BPTF: variants seen among roughly 807,000 people sequenced by gnomAD.
BPTF encodes the protein bromodomain PHD finger transcription factor, also known as nucleosome-remodeling factor subunit BPTF.
BPTF carries 18 observed loss-of-function variants against 292.5 expected under a neutral mutation model. The ratio of observed to expected loss-of-function variants is 0.06; its 90% CI spans 0.04 to 0.09. BPTF has a LOEUF of 0.09. Ranked by LOEUF, BPTF falls within the 10% of genes least tolerant of loss-of-function variation. BPTF has a pLI of 1.00. For synonymous variants in BPTF, 1,225 were observed against 1,251.9 expected (o/e 0.98, Z 0.45); for missense variants, 2,726 against 3,498.7 (o/e 0.78, Z 5.57).
At chr17:67,864,545 A>T (rs887886050) in intron 2 of BPTF, among the ~76,000 whole-genome samples, 21 of 146,322 alleles carry the variant, frequency 1.4e-4, no homozygotes, top group African/African-American at 5.1e-4. Flanking sequence ...AAAAAAAAAA[A>T]GGAAAAGAAA....
chr17:67,896,164 G>C (rs59640213), intron 7 of BPTF, among the ~76,000 whole-genome samples: 1 of 151,880 alleles, frequency 6.6e-6, no homozygotes, highest in Non-Finnish European at 1.5e-5. Flanking sequence ...GGGTTTCACC[G>C]TGTTAGCCAG....
At chr17:67,885,608 G>A (rs549666354) in intron 4 of BPTF, among the ~76,000 whole-genome samples, 5 of 152,156 alleles carry the variant, frequency 3.3e-5, no homozygotes, top group South Asian at 2.1e-4. Context: ...GTTAACAATC[G>A]CATTTAGGCA....
chr17:67,866,140 T>G (rs2059379615), intron 2 of BPTF, among the ~76,000 whole-genome samples: 1 of 152,096 alleles, frequency 6.6e-6, no homozygotes, highest in Admixed American at 6.5e-5. Context: ...TTTATTTTAT[T>G]CTAAAATAAT....
intron 1 of BPTF, among the ~76,000 whole-genome samples, chr17:67,836,483 CTCTTG>C (rs1465003329): frequency 6.6e-6 from 1 of 152,166 alleles, no homozygotes; most frequent in Non-Finnish European, 1.5e-5. Flanking sequence ...TGTGGAATTT[CTCTTG>C]TCCTGTTCTA....
At chr17:67,931,838 C>A in intron 17 of BPTF, 73 bp from the exon 18 acceptor site, 1 of 1,078,414 alleles carries the variant, frequency 9.3e-7, no homozygotes, top group Non-Finnish European at 1.3e-6. Flanking sequence ...GTTTAAAGAT[C>A]TTGTGTTCTA....
At chr17:67,964,954 G>C (rs1470405553) in intron 25 of BPTF, 1 of 133,490 alleles carries the variant, frequency 7.5e-6, no homozygotes, top group Non-Finnish European at 1.5e-5. Flanking sequence ...AGCCGAGATG[G>C]CGCCACTGCA....
At position 67,893,431 on chromosome 17, in the gene BPTF, T is replaced by C; in HGVS notation, c.2117T>C (p.Met706Thr). The C allele has an allele frequency of 3.7e-6, 6 of 1,614,144 alleles. No homozygotes were observed. The highest frequency in any genetic ancestry group is 5.1e-6 in the Non-Finnish European group (6 of 1,180,016). The part of the protein sequence containing the change: ...SRLSTKKEVI[M>T]KGNINNYFKL... Reference sequence around the variant, plus strand: ...TTGAGCACCAAAAAGGAAGTGATCATGAAAGGAAATATCAACAATTATTTT... The same window carrying C: ...TTGAGCACCAAAAAGGAAGTGATCACGAAAGGAAATATCAACAATTATTTT... The change falls in exon 6 of 28, where the codon ATG becomes ACG. Residue 706 changes from methionine (M) to threonine (T), a missense_variant. This residue lies in a region of BPTF where 63 missense variants were observed against 84.1 expected (regional missense o/e 0.75). Transcript: ENST00000306378.
At chr17:67,874,686 G>T in intron 3 of BPTF, 131 bp from the exon 4 acceptor site, 1 of 619,356 alleles carries the variant, frequency 1.6e-6, no homozygotes, top group South Asian at 2.3e-5. Context: ...TATTTCATAG[G>T]TCTAATGCTT....
At chr17:67,982,105 A>T (rs1568246409) in intron 27 of BPTF, 147 bp from the exon 28 acceptor site, 1 of 743,026 alleles carries the variant, frequency 1.3e-6, no homozygotes. Context: ...AAATTTTCTT[A>T]ATCGTTCTTT....
At chr17:67,860,088 A>G (rs1297344717) in intron 2 of BPTF, among the ~76,000 whole-genome samples, 1 of 152,176 alleles carries the variant, frequency 6.6e-6, no homozygotes, top group Non-Finnish European at 1.5e-5. Flanking sequence ...GCCTTTTTTG[A>G]TGCATAATAA....
Position 67,866,587 on chromosome 17 carries a change from A to G in BPTF, c.1560A>G (p.Leu520=), listed in dbSNP as rs2059401690. 2.5e-6 allele frequency: 4 copies of G among 1,614,064 alleles called. No homozygotes were observed. Among genetic ancestry groups the G allele is most frequent in the Non-Finnish European group, 3.4e-6 (4 of 1,179,920 alleles). The change falls in exon 3 of 28, where the codon CTA becomes CTG. Residue 520 remains leucine (L), a synonymous_variant. Transcript: ENST00000306378. Reference sequence around the variant, plus strand: ...GGGAAGCAGAACTCTGCAAAATTCTAGAAGAAATGCGTGAAGAAATCCACC... The same window carrying G: ...GGGAAGCAGAACTCTGCAAAATTCTGGAAGAAATGCGTGAAGAAATCCACC... ...DYWEAELCKI[L]EEMREEIHRH...
At chr17:67,897,730 T>C (rs2061548034) in intron 7 of BPTF, among the ~76,000 whole-genome samples, 1 of 152,230 alleles carries the variant, frequency 6.6e-6, no homozygotes, top group African/African-American at 2.4e-5. Flanking sequence ...CAGGACCAGA[T>C]GATTTCATAA....
At chr17:67,831,555 G>A (rs1172601660) in intron 1 of BPTF, among the ~76,000 whole-genome samples, 2 of 152,114 alleles carry the variant, frequency 1.3e-5, no homozygotes, top group Non-Finnish European at 2.9e-5. Flanking sequence ...ACAGGACTGG[G>A]GATGTTAAGA....
At chr17:67,851,693 C>G (rs2058418080) in intron 1 of BPTF, among the ~76,000 whole-genome samples, 1 of 151,868 alleles carries the variant, frequency 6.6e-6, no homozygotes, top group Non-Finnish European at 1.5e-5. Flanking sequence ...GCAGGCTGTT[C>G]AGTTATAAGC....
At chr17:67,860,053 A>T (rs2058981389) in intron 2 of BPTF, among the ~76,000 whole-genome samples, 1 of 152,230 alleles carries the variant, frequency 6.6e-6, no homozygotes, top group South Asian at 2.1e-4. Context: ...TATTTGCTTT[A>T]AAAGCTATGG....
rs1247388177 is a variant in BPTF, at chr17:67,927,085, AG to A, written c.5752-1268del. ...CTAAAAAAATTGGACGTGATGTCAT[AG>A]GTGAGCAGGAGGCTCACCTATGTCA... On this transcript the variant is annotated intron_variant, in intron 15 of 27. Coordinates refer to ENST00000306378, the MANE Select transcript of BPTF (RefSeq NM_182641.4). Among the ~76,000 whole-genome samples, 6 of 152,342 alleles carry A rather than the reference AG, an allele frequency of 3.9e-5. No individual in the cohort carries two copies. In the East Asian group the frequency reaches 7.7e-4, roughly 20 times the overall value.
chr17:67,933,502 G>A (rs889804064), intron 18 of BPTF, among the ~76,000 whole-genome samples: 1 of 151,982 alleles, frequency 6.6e-6, no homozygotes, highest in Non-Finnish European at 1.5e-5. Flanking sequence ...CCAGACATTG[G>A]AGGCTGCAGT....
chr17:67,960,626 G>A (rs1555683547), intron 24 of BPTF, among the ~76,000 whole-genome samples: 1 of 152,176 alleles, frequency 6.6e-6, no homozygotes, highest in Non-Finnish European at 1.5e-5. Context: ...ACATTAAAAT[G>A]TAGTCCAGCT....
In BPTF at chr17:67,959,833, C is replaced by A; in HGVS notation, c.8219C>A (p.Thr2740Lys). 1 of 1,612,808 alleles carries A rather than the reference C, an allele frequency of 6.2e-7. No individual in the cohort carries two copies. Among genetic ancestry groups the A allele is most frequent in the Non-Finnish European group, 8.5e-7 (1 of 1,179,476 alleles). ...STTSKETKKD[T>K]KLYCICKTPY... ...ACCTCAAAGGAAACTAAGAAGGACA[C>A]AAAGCTTTACTGTATCTGTAAAACG... Residue 2740 changes from threonine (T) to lysine (K), a missense_variant, in exon 24 of 28, where the codon ACA (threonine) becomes AAA (lysine). This residue lies in a region of BPTF where 148 missense variants were observed against 145.5 expected (regional missense o/e 1.02). Coordinates refer to ENST00000306378, the MANE Select transcript of BPTF (RefSeq NM_182641.4).
Sources: allele counts gnomAD v4.1 joint callset (sites outside exome capture counted in the v4.1 genomes callset), GRCh38; gene constraint gnomAD v4.1.1; regional missense constraint gnomAD v4.1.1; transcripts MANE v1.5; gene names NCBI Gene and HGNC (gene_info 2026-07-23, HGNC 2026-07-21).